Variants in ADGRL4 observed in about 807,000 individuals in gnomAD.
The protein encoded by ADGRL4 is adhesion G protein-coupled receptor L4, also known as EGF, latrophilin and seven transmembrane domain containing 1.
In ADGRL4, 90 loss-of-function variants were observed where a neutral mutation model predicts 74.8. That is an observed-to-expected ratio of 1.20 (90% CI 1.02 to 1.43). The LOEUF is 1.43. ADGRL4 is among the 40% of genes most tolerant of loss of function. ADGRL4 has a pLI of 0.00. For synonymous variants in ADGRL4, 311 were observed against 279.2 expected, an observed-to-expected ratio of 1.11 and a Z score of -1.14; for missense variants, 881 against 814.3, an observed-to-expected ratio of 1.08 and a Z score of -1.00.
intron 2 of ADGRL4, among the ~76,000 whole-genome samples, chr1:78,951,157 C>A (rs1232698663): frequency 1.3e-5 from 2 of 152,154 alleles, no homozygotes; most frequent in East Asian, 1.9e-4. Context: ...CTCCTTCTAA[C>A]TCCCCAGGTT....
intron 7 of ADGRL4, 117 bp from the exon 8 acceptor site, chr1:78,927,208 T>A: frequency 1.5e-6 from 1 of 680,126 alleles, no homozygotes; most frequent in Non-Finnish European, 2.5e-6. Flanking sequence ...TTTATACAAA[T>A]CCCCAGATAC....
At chr1:78,941,200 T>C (rs1649471848) in intron 3 of ADGRL4, among the ~76,000 whole-genome samples, 1 of 152,144 alleles carries the variant, frequency 6.6e-6, no homozygotes, top group South Asian at 2.1e-4. Flanking sequence ...CCTTGGGATA[T>C]GGAGAACCAT....
chr1:78,974,581 C>T (rs1213861458), intron 2 of ADGRL4, among the ~76,000 whole-genome samples: 1 of 152,122 alleles, frequency 6.6e-6, no homozygotes, highest in African/African-American at 2.4e-5. Context: ...TATTATCATA[C>T]AGATTTAGAC....
intron 7 of ADGRL4, among the ~76,000 whole-genome samples, chr1:78,930,889 A>G (rs565419588): frequency 6.6e-6 from 1 of 151,574 alleles, no homozygotes; most frequent in Non-Finnish European, 1.5e-5. Flanking sequence ...TTAATCATTA[A>G]TTTGCTTGCT....
intron 12 of ADGRL4, among the ~76,000 whole-genome samples, chr1:78,910,145 T>C (rs1648728628): frequency 1.3e-5 from 2 of 150,810 alleles, no homozygotes. Flanking sequence ...CATTTTTACC[T>C]TGCACAGTCT....
intron 13 of ADGRL4, 52 bp from the exon 14 acceptor site, chr1:78,891,744 A>G (rs1557487643): frequency 5.4e-6 from 8 of 1,483,068 alleles, no homozygotes; most frequent in Non-Finnish European, 7.3e-6. Context: ...TAGTCAACAT[A>G]TCTCCCAAAT....
At position 78,938,288 on chromosome 1, in the gene ADGRL4, A is replaced by C; in HGVS notation, c.397-9T>G. 1.3e-6 allele frequency: 2 copies of C among 1,551,974 alleles called. No individual in the cohort carries two copies. The highest frequency in any genetic ancestry group is 1.4e-5 in the African/African-American group (1 of 71,914). ...TCTTTTATGGATCTGATCTGAGAAA[A>C]AATGAGTCCAGAAAAAGGAAACTAA... On this transcript the variant is annotated splice_polypyrimidine_tract_variant and intron_variant, in intron 4 of 14. Transcript: ENST00000370742.
rs936625570 is a variant in ADGRL4 at position 78,891,419 on chromosome 1, A to G, written c.2010+105T>C. The G allele has an allele frequency of 2.6e-5, 34 of 1,320,346 alleles. No individual in the cohort carries two copies. In the African/African-American group the frequency reaches 4.5e-4, roughly 17 times the overall value. 81.8% of individuals were successfully genotyped at this position (1,320,346 alleles called of 1,614,324 possible). ...TATGAACAGCTAGGCGATTTAGGCA[A>G]TAAAGGCAGAAGTCATAAATCTATG... is the stretch of plus-strand genomic sequence containing the variant. On this transcript the variant is annotated intron_variant, in intron 14 of 14. Coordinates refer to ENST00000370742, the MANE Select transcript of ADGRL4 (RefSeq NM_022159.4).
intron 3 of ADGRL4, among the ~76,000 whole-genome samples, chr1:78,943,015 ATCT>A (rs1489178534): frequency 6.6e-6 from 1 of 152,152 alleles, no homozygotes; most frequent in Non-Finnish European, 1.5e-5. Flanking sequence ...TTTTATCATA[ATCT>A]TCTTTCAAAA....
At chr1:78,992,405 T>C (rs966958306) in intron 2 of ADGRL4, among the ~76,000 whole-genome samples, 2 of 152,058 alleles carry the variant, frequency 1.3e-5, no homozygotes, top group African/African-American at 4.8e-5. Context: ...ATAAATCCCA[T>C]GCAAAAGGAC....
chr1:78,922,837 T>G (rs1308430690), intron 8 of ADGRL4, among the ~76,000 whole-genome samples: 1 of 151,984 alleles, frequency 6.6e-6, no homozygotes, highest in Non-Finnish European at 1.5e-5. Context: ...AAAGAAAACA[T>G]GTCCTGAGTG....
chr1:78,923,053 ATAAT>A (rs1397976278), intron 8 of ADGRL4, among the ~76,000 whole-genome samples: 1 of 152,020 alleles, frequency 6.6e-6, no homozygotes, highest in Non-Finnish European at 1.5e-5. Flanking sequence ...GTCTGGAAAG[ATAAT>A]TGAGTTAAAA....
At chr1:78,892,154 T>C (rs1648291252) in intron 13 of ADGRL4, among the ~76,000 whole-genome samples, 2 of 152,172 alleles carry the variant, frequency 1.3e-5, no homozygotes, top group South Asian at 2.1e-4. Context: ...AAGGAGGCTC[T>C]GCTTTTCTTT....
chr1:78,915,515 G>A (rs889591285), intron 12 of ADGRL4, among the ~76,000 whole-genome samples: 2 of 151,808 alleles, frequency 1.3e-5, no homozygotes, highest in African/African-American at 4.8e-5. Context: ...CTTATTGGTA[G>A]AGAAAAGAAA....
rs1649834085 is a variant in ADGRL4 at position 78,956,584 on chromosome 1, T to G, written c.173-10158A>C. Among the ~76,000 whole-genome samples the G allele has an allele frequency of 2.6e-5, 4 of 152,322 alleles. No individual in the cohort carries two copies. In the South Asian group the frequency reaches 8.3e-4, roughly 32 times the overall value. On this transcript the variant is annotated intron_variant, in intron 2 of 14. Transcript: ENST00000370742. Reference sequence around the variant, plus strand: ...TTGCAAATCTCTCAATCTGTTCACTTTCTTCCCCATTTTTAAAATCTATTA... The same window carrying G: ...TTGCAAATCTCTCAATCTGTTCACTGTCTTCCCCATTTTTAAAATCTATTA...
chr1:78,967,220 G>A (rs1289546440), intron 2 of ADGRL4, among the ~76,000 whole-genome samples: 1 of 152,186 alleles, frequency 6.6e-6, no homozygotes, highest in Non-Finnish European at 1.5e-5. Flanking sequence ...AAATTATGCA[G>A]GTTAGGTACT....
intron 12 of ADGRL4, among the ~76,000 whole-genome samples, chr1:78,912,026 A>G (rs1352213763): frequency 6.6e-6 from 1 of 151,782 alleles, no homozygotes; most frequent in Non-Finnish European, 1.5e-5. Flanking sequence ...TCTATACTGC[A>G]GGGTGACCAA....
At chr1:79,001,607 T>C (rs979021621) in intron 2 of ADGRL4, among the ~76,000 whole-genome samples, 15 of 152,274 alleles carry the variant, frequency 9.9e-5, no homozygotes, top group Non-Finnish European at 2.2e-4. Flanking sequence ...TGCTTATTTG[T>C]ATAACACACT....
chr1:78,906,731 T>C (rs991093652), intron 12 of ADGRL4, among the ~76,000 whole-genome samples: 3 of 152,010 alleles, frequency 2.0e-5, no homozygotes, highest in African/African-American at 7.2e-5. Context: ...TTTATAAAAC[T>C]GTAACCTTTA....
Sources: allele counts gnomAD v4.1 joint callset (sites outside exome capture counted in the v4.1 genomes callset), GRCh38; gene constraint gnomAD v4.1.1; transcripts MANE v1.5; gene names NCBI Gene and HGNC (gene_info 2026-07-23, HGNC 2026-07-21).